AFAP1L2: variants seen among roughly 807,000 people sequenced by gnomAD.
AFAP1L2 encodes the protein actin filament associated protein 1 like 2, also known as actin filament-associated protein 1-like 2.
AFAP1L2 carries 46 observed loss-of-function variants against 99.3 expected under a neutral mutation model. That is an observed-to-expected ratio of 0.46 (90% CI 0.37 to 0.59). AFAP1L2 has a LOEUF of 0.59. Ranked by LOEUF, AFAP1L2 falls within the 20% of genes least tolerant of loss-of-function variation. The pLI is 0.00. For missense variants in AFAP1L2, 959 were observed against 1,034.9 expected, an observed-to-expected ratio of 0.93 and a Z score of 1.01; for synonymous variants, 397 against 419.1, an observed-to-expected ratio of 0.95 and a Z score of 0.64.
rs2040948633 is a variant in AFAP1L2 at position 114,300,461 on chromosome 10, T to C, written c.1772A>G (p.Glu591Gly). The change falls in exon 14 of 19, where the codon GAG (glutamate) becomes GGG (glycine). Residue 591 changes from glutamate to glycine, a missense_variant. This residue lies in a region of AFAP1L2 where 576 missense variants were observed against 562.1 expected (regional missense o/e 1.02). Coordinates refer to ENST00000304129, the MANE Select transcript of AFAP1L2 (RefSeq NM_001001936.3). ...TPDEPCIKCP[E>G]NLGEQQLESL... ...GGCCTGTACCTGTTCTCCCAGGTTC[T>C]CTGGACACTTTATGCAGGGCTCATC... 5.0e-6 allele frequency: 8 copies of C among 1,613,570 alleles called. No homozygotes were observed. The highest frequency in any genetic ancestry group is 5.1e-6 in the Non-Finnish European group (6 of 1,179,528).
downstream of AFAP1L2, among the ~76,000 whole-genome samples, chr10:114,294,321 T>C (rs547555963): frequency 7.2e-5 from 11 of 152,350 alleles, no homozygotes; most frequent in South Asian, 2.3e-3. Context: ...ACTTTTACAC[T>C]GATATATTCA....
chr10:114,286,579 C>T, the AFAP1L2 span: 2 of 1,375,890 alleles, frequency 1.5e-6, no homozygotes, highest in Non-Finnish European at 1.9e-6. Context: ...TTGGCCACCA[C>T]CTAACCATCA....
chr10:114,392,214 C>T (rs895422088), intron 1 of AFAP1L2, among the ~76,000 whole-genome samples: 3 of 151,998 alleles, frequency 2.0e-5, no homozygotes, highest in African/African-American at 4.8e-5. Flanking sequence ...AGCAAGACCC[C>T]GCCTCTACAA....
At position 114,300,276 on chromosome 10, in the gene AFAP1L2, T is replaced by C; in HGVS notation, c.1875A>G (p.Pro625=). 6.2e-7 allele frequency: 1 copy of C among 1,613,994 alleles called. No homozygotes were observed. ...IQTEQQRISF[P]PSCPDAVVAT... Reference sequence around the variant, plus strand: ...CCACCACGGCATCCGGGCAGCTCGGTGGGAAGGAGATTCTCTGCTGTTCCG... The same window carrying C: ...CCACCACGGCATCCGGGCAGCTCGGCGGGAAGGAGATTCTCTGCTGTTCCG... The change falls in exon 15 of 19, where the codon CCA becomes CCG. Residue 625 remains proline, a synonymous_variant. Transcript: ENST00000304129.
intron 4 of AFAP1L2, among the ~76,000 whole-genome samples, chr10:114,330,792 A>G (rs1203091393): frequency 6.6e-6 from 1 of 152,210 alleles, no homozygotes; most frequent in Non-Finnish European, 1.5e-5. Context: ...ACTGGACACA[A>G]AATAGTAAAC....
the AFAP1L2 span, chr10:114,286,662 T>G: frequency 1.5e-6 from 1 of 686,326 alleles, no homozygotes; most frequent in Non-Finnish European, 2.3e-6. Context: ...CATAAATAAT[T>G]TTCAGTTTAC....
At chr10:114,283,433 G>A in the AFAP1L2 span, among the ~76,000 whole-genome samples, 1 of 152,104 alleles carries the variant, frequency 6.6e-6, no homozygotes, top group Non-Finnish European at 1.5e-5. Flanking sequence ...TTGGGGTTAG[G>A]TGATCCCTTC....
chr10:114,404,814 A>G (rs989957899), upstream of AFAP1L2: 2 of 237,996 alleles, frequency 8.4e-6, no homozygotes, highest in African/African-American at 4.6e-5. Flanking sequence ...GACGTTCCCA[A>G]ACTCTGGGGG....
rs1035628850 is a variant in AFAP1L2, at chr10:114,295,205, C to G, written c.*837G>C. 4.9e-5 allele frequency: 48 copies of G among 985,700 alleles called. No homozygotes were observed. The African/African-American group carries it at 7.9e-4, about 16-fold the overall frequency. 61.1% of individuals were successfully genotyped at this position (985,700 alleles called of 1,614,324 possible). ...TAAATAACTCTTCCCTTAAAAATGG[C>G]CTGACCACAGCAATGAATCTGTAAA... On this transcript the variant is annotated 3_prime_UTR_variant, in exon 19 of 19. Transcript: ENST00000304129.
At position 114,327,171 on chromosome 10, in the gene AFAP1L2, A is replaced by T. The variant is rs1438203116; in HGVS notation, c.316-3910T>A. ...TTTATATATATATATATATATATATATATTTTTTTTTTAGGCAGAGTCTCA... is the reference window on the plus strand; with the variant it reads ...TTTATATATATATATATATATATATTTATTTTTTTTTTAGGCAGAGTCTCA... On this transcript the variant is annotated intron_variant, in intron 4 of 18. Transcript: ENST00000304129. Among the ~76,000 whole-genome samples, 63 of 68,286 alleles carry T rather than the reference A, an allele frequency of 9.2e-4. 2 individuals carry two copies. Among genetic ancestry groups the T allele is most frequent in the African/African-American group, 3.0e-3 (61 of 20,636 alleles). 44.8% of individuals were successfully genotyped at this position (68,286 alleles called of 152,430 possible). A position where few individuals can be genotyped will look rare whatever the true frequency, so the allele number is the denominator to read the frequency against.
chr10:114,346,279 G>A (rs143464760), intron 1 of AFAP1L2, among the ~76,000 whole-genome samples: 2,325 of 152,248 alleles, frequency 0.015, 28 homozygotes, highest in Non-Finnish European at 0.023. Context: ...TCTTGCTGGC[G>A]TCTGCCTCCC....
rs1290683480 is a variant in AFAP1L2, at chr10:114,295,392, A to AAAG, written c.*647_*649dup. ...TTGATTCAGGCCTGCCTTGGACTGG[A>AAAG]AAGAAGTCTTTAACTTAGTGGGATT... On this transcript the variant is annotated 3_prime_UTR_variant, in exon 19 of 19. Coordinates refer to ENST00000304129, the MANE Select transcript of AFAP1L2 (RefSeq NM_001001936.3). 9 of 985,768 alleles carry AAAG rather than the reference A, an allele frequency of 9.1e-6. No individual in the cohort carries two copies. In the African/African-American group the frequency reaches 1.0e-4, roughly 11 times the overall value. 61.1% of individuals were successfully genotyped at this position (985,768 alleles called of 1,614,324 possible).
chr10:114,322,497 G>A (rs2045531208), intron 5 of AFAP1L2, among the ~76,000 whole-genome samples: 1 of 152,158 alleles, frequency 6.6e-6, no homozygotes, highest in South Asian at 2.1e-4. Context: ...CTTCCTGAAT[G>A]TATCTGCCTG....
chr10:114,398,795 G>A (rs915327669), intron 1 of AFAP1L2: 1 of 1,298,200 alleles, frequency 7.7e-7, no homozygotes, highest in African/African-American at 1.5e-5. Flanking sequence ...TGCACCCTCG[G>A]GAGCCCTGGA....
chr10:114,281,687 C>T, the AFAP1L2 span: 1 of 976,320 alleles, frequency 1.0e-6, no homozygotes, highest in African/African-American at 1.7e-5. Context: ...ATAGTAGCAG[C>T]ACACCTGGGG....
intron 1 of AFAP1L2, among the ~76,000 whole-genome samples, chr10:114,367,857 G>T (rs976645681): frequency 2.0e-5 from 3 of 152,220 alleles, no homozygotes; most frequent in African/African-American, 7.2e-5. Flanking sequence ...AATACAAACA[G>T]AAAGTTTGCT....
the AFAP1L2 span, among the ~76,000 whole-genome samples, chr10:114,284,004 A>G: frequency 6.6e-6 from 1 of 152,260 alleles, no homozygotes; most frequent in Non-Finnish European, 1.5e-5. Flanking sequence ...CTTGGAATAC[A>G]TGATCACATG....
In AFAP1L2 at chr10:114,360,630, A is replaced by G. The variant is rs561926325; in HGVS notation, c.17-19899T>C. On this transcript the variant is annotated intron_variant, in intron 1 of 18. Coordinates refer to ENST00000304129, the MANE Select transcript of AFAP1L2 (RefSeq NM_001001936.3). ...TCTCTGGAGAACCTGACTAGTACAGAGAGCTTCTGCAAACCAAGGAGATAA... is the reference window on the plus strand; with the variant it reads ...TCTCTGGAGAACCTGACTAGTACAGGGAGCTTCTGCAAACCAAGGAGATAA... Among the ~76,000 whole-genome samples, 88 of 152,238 alleles carry G rather than the reference A, an allele frequency of 5.8e-4. 2 individuals are homozygous for G. The South Asian group carries it at 0.017, about 30-fold the overall frequency.
At chr10:114,323,078 A>G (rs1172404432) in intron 5 of AFAP1L2, 93 bp downstream of exon 5, 2 of 1,153,294 alleles carry the variant, frequency 1.7e-6, no homozygotes, top group African/African-American at 1.5e-5. Flanking sequence ...CCAGCCCAGG[A>G]TGAGTGTATC....
Sources: gnomAD v4.1 joint callset for allele counts (sites outside exome capture counted in the v4.1 genomes callset) on GRCh38, gnomAD v4.1.1 for gene constraint, gnomAD v4.1.1 regional missense constraint, MANE v1.5 for transcripts, NCBI Gene and HGNC (gene_info 2026-07-23, HGNC 2026-07-21) for gene names.